The following GPC5 variants were observed in gnomAD, a reference collection of about 807,000 sequenced individuals.
GPC5 encodes glypican 5.
GPC5 carries 47 observed loss-of-function variants against 53.9 expected under a neutral mutation model. That is an observed-to-expected ratio of 0.87 (90% confidence interval 0.69 to 1.11). GPC5 has a LOEUF of 1.11. GPC5 is among the 50% of genes most tolerant of loss of function. GPC5 has a pLI of 0.00. For missense variants in GPC5, 748 were observed against 713.1 expected (o/e 1.05, Z -0.56); for synonymous variants, 286 against 263.3 (o/e 1.09, Z -0.84).
intron 7 of GPC5, among the ~76,000 whole-genome samples, chr13:92,242,373 T>A (rs1346822825): frequency 6.6e-6 from 1 of 152,124 alleles, no homozygotes; most frequent in Admixed American, 6.6e-5. Context: ...TCAACAACCC[T>A]ACTTGTAGAC....
intron 7 of GPC5, among the ~76,000 whole-genome samples, chr13:92,237,762 A>G (rs1000433724): frequency 2.0e-5 from 3 of 152,132 alleles, no homozygotes; most frequent in Admixed American, 6.5e-5. Context: ...CACTACCACA[A>G]TAAATTTTAG....
At chr13:91,992,545 C>G (rs944051159) in intron 6 of GPC5, among the ~76,000 whole-genome samples, 1 of 151,422 alleles carries the variant, frequency 6.6e-6, no homozygotes, top group African/African-American at 2.4e-5. Context: ...GCAACCTTTG[C>G]CTTCCAGGTT....
intron 5 of GPC5, among the ~76,000 whole-genome samples, 161 bp from the exon 6 acceptor site, chr13:91,907,776 C>G (rs1160758507): frequency 6.6e-6 from 1 of 151,734 alleles, no homozygotes; most frequent in Non-Finnish European, 1.5e-5. Flanking sequence ...AGCATTTTTC[C>G]TGGAAAAACA....
chr13:92,177,022 A>G lies in GPC5; in HGVS notation c.1561+32033A>G, dbSNP rs141662754. On this transcript the variant is annotated intron_variant, in intron 7 of 7. Coordinates refer to ENST00000377067, the MANE Select transcript of GPC5 (RefSeq NM_004466.6). ...TTTCCGTCATTGTTTTGACTGATCT[A>G]TCTTTTTGGATTTTGGATACCCTTA... 1.6e-4 allele frequency among the ~76,000 whole-genome samples: 24 copies of G among 152,124 alleles called. No homozygotes were observed. The East Asian group carries it at 4.1e-3, about 26-fold the overall frequency.
At chr13:92,838,154 G>T (rs1165690110) in intron 7 of GPC5, among the ~76,000 whole-genome samples, 1 of 151,612 alleles carries the variant, frequency 6.6e-6, no homozygotes, top group Non-Finnish European at 1.5e-5. Context: ...ATTGCTTTAA[G>T]GTGGTTAGCT....
intron 7 of GPC5, among the ~76,000 whole-genome samples, chr13:92,772,315 T>G (rs1875644159): frequency 6.6e-6 from 1 of 152,178 alleles, no homozygotes; most frequent in Non-Finnish European, 1.5e-5. Context: ...TACACAGGGA[T>G]ATAAAGAGTT....
intron 6 of GPC5, among the ~76,000 whole-genome samples, chr13:92,094,108 AT>A (rs2138900878): frequency 6.6e-6 from 1 of 152,324 alleles, no homozygotes; most frequent in Non-Finnish European, 1.5e-5. Context: ...ATGATCAATT[AT>A]TACGCCAATG....
intron 6 of GPC5, among the ~76,000 whole-genome samples, chr13:92,139,378 C>T (rs116508688): frequency 0.018 from 2,675 of 152,138 alleles, 73 homozygotes; most frequent in African/African-American, 0.061. Flanking sequence ...TTTCAAAATA[C>T]GTGTTATGGC....
At chr13:92,120,823 T>A (rs887232075) in intron 6 of GPC5, among the ~76,000 whole-genome samples, 2 of 152,240 alleles carry the variant, frequency 1.3e-5, no homozygotes, top group Non-Finnish European at 2.9e-5. Flanking sequence ...TCCAGCTCTA[T>A]GCAGCTCTGC....
intron 7 of GPC5, among the ~76,000 whole-genome samples, chr13:92,459,572 A>C (rs1043582855): frequency 6.6e-6 from 1 of 152,222 alleles, no homozygotes; most frequent in African/African-American, 2.4e-5. Context: ...CACAGTGGCC[A>C]AATGAGAAAT....
At chr13:91,412,541 T>C (rs565701363) in intron 1 of GPC5, among the ~76,000 whole-genome samples, 56 of 152,190 alleles carry the variant, frequency 3.7e-4, no homozygotes, top group African/African-American at 1.3e-3. Flanking sequence ...TGGTAACAAA[T>C]ACACAAATAT....
intron 5 of GPC5, among the ~76,000 whole-genome samples, chr13:91,774,330 C>T (rs1458195558): frequency 6.6e-6 from 1 of 152,164 alleles, no homozygotes; most frequent in Non-Finnish European, 1.5e-5. Context: ...AAATTCCCTA[C>T]TGAAGAATTT....
intron 6 of GPC5, among the ~76,000 whole-genome samples, chr13:92,071,731 G>A (rs2041212486): frequency 6.6e-6 from 1 of 150,896 alleles, no homozygotes; most frequent in South Asian, 2.1e-4. Flanking sequence ...TTTAATCAAA[G>A]GCCAAAAATA....
At chr13:91,659,947 A>C (rs1485263311) in intron 2 of GPC5, among the ~76,000 whole-genome samples, 1 of 152,210 alleles carries the variant, frequency 6.6e-6, no homozygotes, top group Non-Finnish European at 1.5e-5. Context: ...GTAGTCAGTC[A>C]TCATTGCTTG....
chr13:92,622,907 C>T (rs75304531), intron 7 of GPC5, among the ~76,000 whole-genome samples: 5,846 of 151,702 alleles, frequency 0.039, 175 homozygotes, highest in Admixed American at 0.1. Flanking sequence ...AGCACCTCAG[C>T]GAGAATGTGG....
chr13:92,751,909 T>G (rs1359698469), intron 7 of GPC5, among the ~76,000 whole-genome samples: 1 of 152,190 alleles, frequency 6.6e-6, no homozygotes, highest in African/African-American at 2.4e-5. Flanking sequence ...GTTACATTGT[T>G]TCACTTGCGC....
At chr13:92,668,818 G>A (rs1886656665) in intron 7 of GPC5, among the ~76,000 whole-genome samples, 1 of 151,922 alleles carries the variant, frequency 6.6e-6, no homozygotes, top group Admixed American at 6.6e-5. Flanking sequence ...TAATTATTGA[G>A]ATTAATTTTG....
chr13:92,663,317 T>C (rs1431243705), intron 7 of GPC5, among the ~76,000 whole-genome samples: 1 of 151,988 alleles, frequency 6.6e-6, no homozygotes, highest in Non-Finnish European at 1.5e-5. Flanking sequence ...TTTATTATTA[T>C]CAGAGACAAT....
intron 2 of GPC5, among the ~76,000 whole-genome samples, chr13:91,624,168 A>C (rs528607129): frequency 6.6e-6 from 1 of 152,146 alleles, no homozygotes; most frequent in Non-Finnish European, 1.5e-5. Flanking sequence ...ACCAATTGCT[A>C]TACTAAATGT....
Sources: allele counts gnomAD v4.1 joint callset (sites outside exome capture counted in the v4.1 genomes callset), GRCh38; gene constraint gnomAD v4.1.1; transcripts MANE v1.5; gene names NCBI Gene and HGNC (gene_info 2026-07-23, HGNC 2026-07-21).